The following ISCA1 variants were observed in gnomAD, a reference collection of about 807,000 sequenced individuals.
The protein encoded by ISCA1 is iron-sulfur cluster assembly 1 homolog, mitochondrial.
Under a neutral mutation model 14.7 loss-of-function variants are expected in ISCA1, and 9 were observed. The ratio of observed to expected loss-of-function variants is 0.61; its 90% CI spans 0.37 to 1.07. ISCA1 has a LOEUF of 1.07. Ranked by LOEUF, ISCA1 falls within the 50% of genes least tolerant of loss-of-function variation. The pLI is 0.01. For missense variants in ISCA1, 102 were observed against 150.1 expected (o/e 0.68, Z 1.67); for synonymous variants, 38 against 54.3 (o/e 0.70, Z 1.32).
chr9:86,268,699 CT>C (rs940447353), intron 3 of ISCA1, among the ~76,000 whole-genome samples: 1 of 151,018 alleles, frequency 6.6e-6, no homozygotes, highest in Non-Finnish European at 1.5e-5. Context: ...CTTCTTCTTC[CT>C]TTTTTTTTCT....
intron 2 of ISCA1, among the ~76,000 whole-genome samples, chr9:86,272,827 G>A (rs1023792294): frequency 3.9e-5 from 6 of 152,158 alleles, no homozygotes; most frequent in African/African-American, 1.4e-4. Context: ...TTGAATACCT[G>A]TAACAATGTA....
intron 1 of ISCA1, among the ~76,000 whole-genome samples, chr9:86,276,104 A>C (rs568574510): frequency 1.3e-5 from 2 of 152,218 alleles, no homozygotes; most frequent in East Asian, 3.9e-4. Context: ...CAAAATATAC[A>C]ATCAGTGGGA....
intron 1 of ISCA1, among the ~76,000 whole-genome samples, chr9:86,277,948 A>C (rs1825459560): frequency 6.6e-6 from 1 of 152,256 alleles, no homozygotes; most frequent in Non-Finnish European, 1.5e-5. Flanking sequence ...TGAATGTTTT[A>C]TCACTACTTC....
At chr9:86,269,745 T>G (rs1330047912) in intron 3 of ISCA1, among the ~76,000 whole-genome samples, 1 of 151,278 alleles carries the variant, frequency 6.6e-6, no homozygotes, top group Non-Finnish European at 1.5e-5. Flanking sequence ...AAAACAGAGA[T>G]ATAGATCAAT....
At chr9:86,277,878 A>G (rs1165095847) in intron 1 of ISCA1, among the ~76,000 whole-genome samples, 3 of 152,220 alleles carry the variant, frequency 2.0e-5, no homozygotes, top group Admixed American at 1.3e-4. Flanking sequence ...GCCTAATTGA[A>G]AAATAAATAT....
At chr9:86,276,866 G>C (rs1825443735) in intron 1 of ISCA1, among the ~76,000 whole-genome samples, 1 of 58,034 alleles carries the variant, frequency 1.7e-5, no homozygotes, top group Non-Finnish European at 2.8e-5. Flanking sequence ...GTGAGACTCT[G>C]TCTCAAAAAA....
intron 3 of ISCA1, among the ~76,000 whole-genome samples, chr9:86,268,112 A>C (rs1825311972): frequency 6.7e-6 from 1 of 148,586 alleles, no homozygotes. Flanking sequence ...TTCTACTTAT[A>C]AAAAAAAAAG....
intron 2 of ISCA1, among the ~76,000 whole-genome samples, chr9:86,273,744 C>T (rs1047301574): frequency 6.6e-6 from 1 of 152,114 alleles, no homozygotes; most frequent in Non-Finnish European, 1.5e-5. Flanking sequence ...ACTCACCATA[C>T]TTTTACTCTA....
At chr9:86,271,567 C>T (rs1825369075) in intron 3 of ISCA1, among the ~76,000 whole-genome samples, 2 of 152,156 alleles carry the variant, frequency 1.3e-5, no homozygotes, top group African/African-American at 2.4e-5. Flanking sequence ...ATGCTCAACT[C>T]GTACTTATTT....
intron 3 of ISCA1, among the ~76,000 whole-genome samples, chr9:86,270,396 C>T (rs1202212154): frequency 2.1e-3 from 311 of 151,184 alleles, no homozygotes; most frequent in African/African-American, 7.1e-3. Context: ...CAATGAGATA[C>T]CATCTCACAC....
chr9:86,282,187 G>A (rs946175317), intron 1 of ISCA1, 191 bp downstream of exon 1: 6 of 632,502 alleles, frequency 9.5e-6, no homozygotes, highest in African/African-American at 3.9e-5. Flanking sequence ...AGCCCCGCCC[G>A]GGACTTGTTT....
intron 3 of ISCA1, among the ~76,000 whole-genome samples, chr9:86,269,152 G>A (rs548625528): frequency 5.0e-4 from 76 of 152,194 alleles, no homozygotes; most frequent in Admixed American, 1.1e-3. Context: ...AGTCTCCTGA[G>A]TAGCTGGGAC....
At chr9:86,272,220 T>C in intron 2 of ISCA1, 108 bp from the exon 3 acceptor site, 1 of 729,138 alleles carries the variant, frequency 1.4e-6, no homozygotes, top group Non-Finnish European at 2.4e-6. Flanking sequence ...CTTTCTCTTA[T>C]TTTTTGTAGG....
chr9:86,279,381 T>C (rs1160676285), intron 1 of ISCA1, among the ~76,000 whole-genome samples: 1 of 152,248 alleles, frequency 6.6e-6, no homozygotes, highest in South Asian at 2.1e-4. Context: ...CTCTTCAGAT[T>C]CTTTAATCAC....
At chr9:86,279,298 G>C (rs1825480748) in intron 1 of ISCA1, among the ~76,000 whole-genome samples, 1 of 152,156 alleles carries the variant, frequency 6.6e-6, no homozygotes. Flanking sequence ...ATCCACCCCA[G>C]TCCTACAAAT....
intron 3 of ISCA1, among the ~76,000 whole-genome samples, chr9:86,269,574 G>C (rs1324338525): frequency 2.0e-5 from 3 of 151,276 alleles, no homozygotes; most frequent in African/African-American, 7.3e-5. Context: ...TTTCTTCACA[G>C]AATTGGAAAA....
rs746317568 is a variant in ISCA1, at chr9:86,266,103, A to G, written c.330T>C (p.Phe110=). The stretch of plus-strand genomic sequence containing the variant: ...CTTTGATGTTTGGGTTATTGAACAC[A>G]AACTCACTGGATAATTTGTCTTCAA... ...DYVEDKLSSE[F]VFNNPNIKGT... Residue 110 remains phenylalanine, a synonymous_variant, in exon 4 of 4, where the codon TTT becomes TTC. Transcript: ENST00000375991. The G allele has an allele frequency of 1.9e-6, 3 of 1,613,030 alleles. No individual in the cohort carries two copies. The South Asian group carries it at 3.3e-5, about 18-fold the overall frequency.
At chr9:86,274,097 C>G in intron 2 of ISCA1, 92 bp downstream of exon 2, 1 of 685,888 alleles carries the variant, frequency 1.5e-6, no homozygotes, top group South Asian at 1.9e-5. Context: ...AATAAAAACC[C>G]CTAAATGAAA....
Position 86,279,147 on chromosome 9 carries a change from T to C in ISCA1, c.81+3231A>G, listed in dbSNP as rs372327160. Among the ~76,000 whole-genome samples, 17 of 152,352 alleles carry C rather than the reference T, an allele frequency of 1.1e-4. No individual in the cohort carries two copies. The East Asian group carries it at 1.2e-3, about 10-fold the overall frequency. On this transcript the variant is annotated intron_variant, in intron 1 of 3. Transcript: ENST00000375991. Reference sequence around the variant, plus strand: ...ACAGTTCCTTACTGAGCATTAAGCATTTCCTAGCTTCTCAACTGGACTCCA... The same window carrying C: ...ACAGTTCCTTACTGAGCATTAAGCACTTCCTAGCTTCTCAACTGGACTCCA...
Sources: gnomAD v4.1 joint callset for allele counts (sites outside exome capture counted in the v4.1 genomes callset) on GRCh38, gnomAD v4.1.1 for gene constraint, MANE v1.5 for transcripts, NCBI Gene and HGNC (gene_info 2026-07-23, HGNC 2026-07-21) for gene names.